The following CSMD1 variants were observed in gnomAD, a reference collection of about 807,000 sequenced individuals.
CSMD1 encodes the protein CUB and Sushi multiple domains 1, also known as CUB and sushi domain-containing protein 1.
CSMD1 carries 213 observed loss-of-function variants against 417.5 expected under a neutral mutation model. The observed-to-expected ratio is 0.51, with a 90% CI of 0.46 to 0.57. The LOEUF (loss-of-function observed/expected upper bound fraction) is 0.57. Among genes scored for constraint, CSMD1 ranks in the 20% least tolerant of loss-of-function variants. CSMD1 has a pLI of 0.00. For missense variants in CSMD1, 6,923 were observed against 4,529.7 expected, an observed-to-expected ratio of 1.53 and a Z score of -15.17; for synonymous variants, 2,862 against 1,736.8, an observed-to-expected ratio of 1.65 and a Z score of -16.11.
At chr8:3,773,665 C>G (rs1798740879) in intron 5 of CSMD1, among the ~76,000 whole-genome samples, 2 of 152,254 alleles carry the variant, frequency 1.3e-5, no homozygotes, top group South Asian at 2.1e-4. Context: ...GCCTTATTCT[C>G]TATTTGCTGA....
At chr8:4,177,325 T>C (rs548945507) in intron 3 of CSMD1, among the ~76,000 whole-genome samples, 74 of 152,186 alleles carry the variant, frequency 4.9e-4, no homozygotes, top group African/African-American at 1.6e-3. Context: ...TGCTCCTGAA[T>C]GAATACTGGG....
chr8:4,158,671 T>C (rs987233245), intron 3 of CSMD1, among the ~76,000 whole-genome samples: 1 of 152,108 alleles, frequency 6.6e-6, no homozygotes, highest in East Asian at 1.9e-4. Flanking sequence ...GCCGTAATAA[T>C]GAGTATTATG....
At chr8:4,214,873 T>TTA in intron 3 of CSMD1, among the ~76,000 whole-genome samples, 1 of 152,258 alleles carries the variant, frequency 6.6e-6, no homozygotes, top group East Asian at 1.9e-4. Flanking sequence ...AGCGTTTTTT[T>TTA]AAAAAAATGT....
chr8:4,878,972 G>A (rs1803223239), intron 1 of CSMD1, among the ~76,000 whole-genome samples: 1 of 151,924 alleles, frequency 6.6e-6, no homozygotes, highest in East Asian at 1.9e-4. Flanking sequence ...GAGAAGCAGG[G>A]AGAGGGGTCA....
At chr8:4,355,661 A>C (rs4571752) in intron 3 of CSMD1, among the ~76,000 whole-genome samples, 54,754 of 152,090 alleles carry the variant, frequency 0.36, 11,243 homozygotes, top group East Asian at 0.54. Context: ...AGCATGCTAT[A>C]AAACCTCCAA....
chr8:3,068,777 G>C (rs552726358), intron 49 of CSMD1, among the ~76,000 whole-genome samples: 2 of 152,092 alleles, frequency 1.3e-5, no homozygotes, highest in Admixed American at 6.5e-5. Context: ...ACAGCAATAA[G>C]TCGTGAGGGA....
intron 1 of CSMD1, among the ~76,000 whole-genome samples, chr8:4,935,117 T>G (rs150078934): frequency 9.8e-5 from 15 of 152,358 alleles, no homozygotes; most frequent in East Asian, 7.7e-4. Context: ...TCATTCCTTA[T>G]AGCTCACCAC....
At chr8:3,252,885 A>G (rs1333943236) in intron 26 of CSMD1, among the ~76,000 whole-genome samples, 3 of 152,040 alleles carry the variant, frequency 2.0e-5, no homozygotes, top group Non-Finnish European at 4.4e-5. Context: ...GGTAGTTTGT[A>G]TTTCTGTGGG....
chr8:3,383,374 C>A (rs1810764633), intron 18 of CSMD1, among the ~76,000 whole-genome samples: 1 of 152,040 alleles, frequency 6.6e-6, no homozygotes, highest in Non-Finnish European at 1.5e-5. Context: ...TTCTTCCACA[C>A]TAGGAAAACC....
intron 1 of CSMD1, among the ~76,000 whole-genome samples, chr8:4,637,808 C>T (rs1182613764): frequency 6.6e-6 from 1 of 151,678 alleles, no homozygotes; most frequent in Non-Finnish European, 1.5e-5. Flanking sequence ...GTAGGTGGGA[C>T]TACAGGCGCC....
intron 1 of CSMD1, among the ~76,000 whole-genome samples, chr8:4,697,935 T>C (rs559054883): frequency 1.8e-4 from 28 of 152,280 alleles, no homozygotes; most frequent in Middle Eastern, 3.4e-3. Flanking sequence ...GTTTAAAACA[T>C]TGGTCCTGTC....
In CSMD1 at chr8:4,861,910, C is replaced by CT. The variant is rs540372763; in HGVS notation, c.85+132421dup. On this transcript the variant is annotated intron_variant, in intron 1 of 69. Transcript: ENST00000635120. ...GAGGGAGAACCTGAAGAACTTTCCACTTATTATACTTACATTTCAAAACGG... is the reference window on the plus strand; with the variant it reads ...GAGGGAGAACCTGAAGAACTTTCCACTTTATTATACTTACATTTCAAAACGG... 2.0e-3 allele frequency among the ~76,000 whole-genome samples: 306 copies of CT among 152,154 alleles called. 3 individuals are homozygous for CT. Among genetic ancestry groups the CT allele is most frequent in the African/African-American group, 7.0e-3 (292 of 41,480 alleles).
intron 6 of CSMD1, among the ~76,000 whole-genome samples, chr8:3,722,835 T>C (rs2623759): frequency 6.6e-6 from 1 of 152,172 alleles, no homozygotes; most frequent in Non-Finnish European, 1.5e-5. Context: ...AAAAATATGT[T>C]TGAGATTCCC....
At chr8:4,906,414 C>G (rs913920429) in intron 1 of CSMD1, among the ~76,000 whole-genome samples, 8 of 152,172 alleles carry the variant, frequency 5.3e-5, no homozygotes, top group Admixed American at 2.6e-4. Context: ...TAGAGGTGGT[C>G]TGGCCCCAGC....
At chr8:4,114,786 C>T (rs766603503) in intron 3 of CSMD1, among the ~76,000 whole-genome samples, 5 of 152,086 alleles carry the variant, frequency 3.3e-5, no homozygotes, top group Non-Finnish European at 5.9e-5. Flanking sequence ...AGCAGAGGTA[C>T]CTGCAGATGT....
At chr8:4,202,711 C>T (rs1301831221) in intron 3 of CSMD1, among the ~76,000 whole-genome samples, 1 of 152,138 alleles carries the variant, frequency 6.6e-6, no homozygotes, top group South Asian at 2.1e-4. Context: ...ACTAATCAAA[C>T]AAGTACTCAA....
chr8:3,311,514 T>C (rs943471052), intron 23 of CSMD1, among the ~76,000 whole-genome samples: 8 of 149,404 alleles, frequency 5.4e-5, no homozygotes, highest in Admixed American at 5.3e-4. Context: ...TCTCCGAAAG[T>C]GCTGGAATTA....
chr8:3,675,887 G>C (rs907423653), intron 7 of CSMD1, among the ~76,000 whole-genome samples: 2 of 152,166 alleles, frequency 1.3e-5, no homozygotes, highest in Non-Finnish European at 2.9e-5. Context: ...TCATGATTCT[G>C]TCTTGCTGAA....
chr8:4,145,528 C>T (rs1370976895), intron 3 of CSMD1, among the ~76,000 whole-genome samples: 1 of 150,894 alleles, frequency 6.6e-6, no homozygotes, highest in Non-Finnish European at 1.5e-5. Flanking sequence ...CATCTTGAAT[C>T]CCATTCAGAA....
Sources: gnomAD v4.1 joint callset for allele counts (sites outside exome capture counted in the v4.1 genomes callset) on GRCh38, gnomAD v4.1.1 for gene constraint, MANE v1.5 for transcripts, NCBI Gene and HGNC (gene_info 2026-07-23, HGNC 2026-07-21) for gene names.